AURKA: variants seen among roughly 807,000 people sequenced by gnomAD.
AURKA encodes the protein aurora 2.
In AURKA, 12 loss-of-function variants were observed where a neutral mutation model predicts 40.9. The ratio of observed to expected loss-of-function variants is 0.29; its 90% CI spans 0.19 to 0.48. AURKA has a LOEUF of 0.48. Among genes scored for constraint, AURKA ranks in the 20% least tolerant of loss-of-function variants. The pLI, the probability that AURKA is intolerant of heterozygous loss-of-function variation, is 0.99. For missense variants in AURKA, 322 were observed against 462.1 expected (o/e 0.70, Z 2.78); for synonymous variants, 170 against 164.3 (o/e 1.03, Z -0.26).
chr20:56,382,724 A>G lies in AURKA; in HGVS notation c.566+261T>C, dbSNP rs547268982. Among the ~76,000 whole-genome samples, 41 of 152,308 alleles carry G rather than the reference A, an allele frequency of 2.7e-4. 3 individuals carry two copies. In the South Asian group the frequency reaches 8.3e-3, roughly 31 times the overall value. On this transcript the variant is annotated intron_variant, in intron 5 of 8. Coordinates refer to ENST00000395915, the MANE Select transcript of AURKA (RefSeq NM_198437.3). The stretch of plus-strand genomic sequence containing the variant: ...TCTAAAAAATAAATTTATACTTAAA[A>G]AAAAAAAAAGGAATACAATTTTATT...
At position 56,373,455 on chromosome 20, in the gene AURKA, C is replaced by T; in HGVS notation, c.807G>A (p.Glu269=). The change falls in exon 7 of 9, where the codon GAG becomes GAA. Residue 269 remains glutamate, a synonymous_variant. Transcript: ENST00000395915. The surrounding 1 kb of genome is among the most constrained non-coding windows in gnomAD (Gnocchi z 5.0). ...PENLLLGSAG[E]LKIADFGWSV... ...ACCACCCAAAATCTGCAATTTTAAG[C>T]TCTCCAGCTGATCCAAGAAGTAAGT... 1 of 1,614,178 alleles carries T rather than the reference C, an allele frequency of 6.2e-7. No individual in the cohort carries two copies. Among genetic ancestry groups the T allele is most frequent in the Non-Finnish European group, 8.5e-7 (1 of 1,180,044 alleles).
At chr20:56,382,655 T>A (rs1348908773) in intron 5 of AURKA, among the ~76,000 whole-genome samples, 1 of 151,288 alleles carries the variant, frequency 6.6e-6, no homozygotes, top group East Asian at 1.9e-4. Context: ...CTTTGAAAGA[T>A]GACAAATTTA....
intron 7 of AURKA, among the ~76,000 whole-genome samples, chr20:56,370,922 G>A (rs919246720): frequency 6.6e-6 from 1 of 152,196 alleles, no homozygotes; most frequent in Non-Finnish European, 1.5e-5. Context: ...GAAACTGAAT[G>A]TATCACTACC....
chr20:56,374,241 T>C (rs1449724810), intron 6 of AURKA, among the ~76,000 whole-genome samples: 1 of 152,084 alleles, frequency 6.6e-6, no homozygotes, highest in Non-Finnish European at 1.5e-5. Flanking sequence ...TACAACACCA[T>C]ACGGCAACAA....
At chr20:56,389,619 A>G (rs1281991851) in intron 1 of AURKA, among the ~76,000 whole-genome samples, 1 of 151,970 alleles carries the variant, frequency 6.6e-6, no homozygotes, top group Non-Finnish European at 1.5e-5. Context: ...TACATTTTCT[A>G]CTTTCTATGC....
intron 2 of AURKA, among the ~76,000 whole-genome samples, chr20:56,387,914 C>A (rs1049943886): frequency 1.3e-5 from 2 of 152,048 alleles, no homozygotes; most frequent in African/African-American, 4.8e-5. Flanking sequence ...TTACTATTAT[C>A]CTGCATACAG....
At chr20:56,382,651 A>C (rs1308774161) in intron 5 of AURKA, among the ~76,000 whole-genome samples, 2 of 152,154 alleles carry the variant, frequency 1.3e-5, no homozygotes, top group African/African-American at 4.8e-5. Flanking sequence ...TGCTCTTTGA[A>C]AGATGACAAA....
intron 6 of AURKA, among the ~76,000 whole-genome samples, chr20:56,380,995 T>C (rs1985635103): frequency 6.6e-6 from 1 of 152,004 alleles, no homozygotes; most frequent in Non-Finnish European, 1.5e-5. Context: ...AATCTAAAAC[T>C]ATCCTAGCCA....
intron 6 of AURKA, among the ~76,000 whole-genome samples, chr20:56,380,311 C>G (rs1050434878): frequency 6.8e-6 from 1 of 147,944 alleles, no homozygotes; most frequent in African/African-American, 2.5e-5. Context: ...GCCAAGATAG[C>G]GCCACTGCAC....
At chr20:56,372,375 C>T (rs891114263) in intron 7 of AURKA, among the ~76,000 whole-genome samples, 2 of 152,036 alleles carry the variant, frequency 1.3e-5, no homozygotes, top group African/African-American at 2.4e-5. Flanking sequence ...AAGTGACTAT[C>T]GGTTATGTAA....
rs751452141 is a variant in AURKA at position 56,384,274 on chromosome 20, T to C, written c.370A>G (p.Lys124Glu). 1 of 1,598,282 alleles carries C rather than the reference T, an allele frequency of 6.3e-7. No individual in the cohort carries two copies. Among genetic ancestry groups the C allele is most frequent in the Non-Finnish European group, 8.6e-7 (1 of 1,166,892 alleles). Residue 124 changes from lysine (K) to glutamate (E), a missense_variant, in exon 4 of 9, where the codon AAA (lysine) becomes GAA (glutamate). By Grantham distance (56) the Lys-to-Glu change is moderately conservative (BLOSUM62 1). Transcript: ENST00000395915. ...TTTGTAAATAAGAAAGCTTACTTTTTTGATTCTTCATTTTTCTGTTTTGAT... is the reference window on the plus strand; with the variant it reads ...TTTGTAAATAAGAAAGCTTACTTTTCTGATTCTTCATTTTTCTGTTTTGAT... ...LASKQKNEES[K>E]KRQWALEDFE...
Position 56,369,931 on chromosome 20 carries a change from ATAAG to A in AURKA, c.*223_*226del. The A allele has an allele frequency of 1.6e-6, 1 of 637,670 alleles. No homozygotes were observed. The highest frequency in any genetic ancestry group is 2.8e-6 in the Non-Finnish European group (1 of 356,202). 39.5% of individuals were successfully genotyped at this position (637,670 alleles called of 1,614,324 possible). A position where few individuals can be genotyped will look rare whatever the true frequency, so the allele number is the denominator to read the frequency against. On this transcript the variant is annotated 3_prime_UTR_variant, in exon 9 of 9. Transcript: ENST00000395915. The stretch of plus-strand genomic sequence containing the variant: ...CCTTGCCTCCAGATTATGAACCAGT[ATAAG>A]TAGCACAATTCTCGTGGCTACTTTC...
At chr20:56,387,056 AATGTTTCATTTTCC>A in intron 2 of AURKA, among the ~76,000 whole-genome samples, 2 of 152,352 alleles carry the variant, frequency 1.3e-5, no homozygotes, top group East Asian at 3.9e-4. Flanking sequence ...TTGATTAACC[AATGTTTCATTTTCC>A]AAGTATTGAC....
At chr20:56,372,389 A>C (rs761997578) in intron 7 of AURKA, among the ~76,000 whole-genome samples, 14 of 152,172 alleles carry the variant, frequency 9.2e-5, no homozygotes, top group Non-Finnish European at 2.1e-4. Context: ...TATGTAAGTA[A>C]TCTTTTCAAA....
chr20:56,392,176 C>G lies in AURKA; in HGVS notation c.-14G>C, dbSNP rs1421959430. On this transcript the variant is annotated 5_prime_UTR_variant, in exon 1 of 9. Transcript: ENST00000395915. ...CACCCGTCGGCTCCCACCTGCGACC[C>G]AAGGACCCAAGTCTTCCAAGAGCTC... The G allele has an allele frequency of 6.6e-6, 1 of 152,328 alleles. No homozygotes were observed. Among genetic ancestry groups the G allele is most frequent in the Admixed American group, 6.5e-5 (1 of 15,288 alleles). 9.4% of individuals were successfully genotyped at this position (152,328 alleles called of 1,614,324 possible).
chr20:56,370,192 CAATTTGATGGTTTTGATG>C lies in AURKA; in HGVS notation c.1160_1177del (p.Ser387_Asn392del), dbSNP rs1278723950. 2.5e-6 allele frequency: 4 copies of C among 1,613,220 alleles called. No individual in the cohort carries two copies. Among genetic ancestry groups the C allele is most frequent in the Non-Finnish European group, 3.4e-6 (4 of 1,180,010 alleles). On this transcript the variant is annotated inframe_deletion, in exon 9 of 9. Coordinates refer to ENST00000395915, the MANE Select transcript of AURKA (RefSeq NM_198437.3). ...TTTGCTAGCTGATTCTTTGTTTTGGCAATTTGATGGTTTTGATGAATTTGCTGTGATCCAGGGGTGTTC... is the reference window on the plus strand; with the variant it reads ...TTTGCTAGCTGATTCTTTGTTTTGGCAATTTGCTGTGATCCAGGGGTGTTC...
intron 7 of AURKA, among the ~76,000 whole-genome samples, chr20:56,371,624 ATCCAACCACAGAGACAG>A (rs550535656): frequency 0.012 from 1,761 of 151,954 alleles, 39 homozygotes; most frequent in African/African-American, 0.039. Flanking sequence ...CACAGAGACA[ATCCAACCACAGAGACAG>A]TCCAACCACA....
intron 4 of AURKA, among the ~76,000 whole-genome samples, chr20:56,383,542 G>A (rs1306321689): frequency 6.6e-6 from 1 of 152,206 alleles, no homozygotes; most frequent in African/African-American, 2.4e-5. Context: ...ACCATCTGGG[G>A]GCATGTTTCA....
intron 3 of AURKA, among the ~76,000 whole-genome samples, chr20:56,385,620 C>T (rs766720446): frequency 1.6e-4 from 24 of 152,224 alleles, no homozygotes; most frequent in Admixed American, 7.2e-4. Context: ...CACCACCACG[C>T]CTGGCTAATT....
Sources: allele counts gnomAD v4.1 joint callset (sites outside exome capture counted in the v4.1 genomes callset), GRCh38; gene constraint gnomAD v4.1.1; non-coding constraint Gnocchi (gnomAD v3.1); transcripts MANE v1.5; gene names NCBI Gene and HGNC (gene_info 2026-07-23, HGNC 2026-07-21).